SLC6A4: variants seen among roughly 807,000 people sequenced by gnomAD.
SLC6A4 encodes solute carrier family 6 member 4.
Under a neutral mutation model 73.4 loss-of-function variants are expected in SLC6A4, and 22 were observed. The observed-to-expected ratio is 0.30, with a 90% CI of 0.21 to 0.43. The LOEUF (loss-of-function observed/expected upper bound fraction) is 0.43, where lower values mean the gene tolerates loss of function less well. Among genes scored for constraint, SLC6A4 ranks in the 20% least tolerant of loss-of-function variants. SLC6A4 has a pLI of 1.00. For missense variants in SLC6A4, 593 were observed against 808.5 expected (o/e 0.73, Z 3.23); for synonymous variants, 270 against 315.5 (o/e 0.86, Z 1.53).
chr17:30,218,741 T>C (rs1906658496), intron 4 of SLC6A4, 56 bp downstream of exon 4: 20 of 1,598,052 alleles, frequency 1.3e-5, no homozygotes, highest in South Asian at 4.4e-5. Flanking sequence ...CACCCACTGA[T>C]GGAAATCCCT....
chr17:30,202,427 A>G (rs1344278028), intron 14 of SLC6A4, among the ~76,000 whole-genome samples: 5 of 152,156 alleles, frequency 3.3e-5, no homozygotes, highest in Non-Finnish European at 7.4e-5. Flanking sequence ...GCCCAGCCGG[A>G]AATAAGGAAA....
intron 8 of SLC6A4, among the ~76,000 whole-genome samples, chr17:30,214,781 C>T (rs566756896): frequency 6.6e-6 from 1 of 151,642 alleles, no homozygotes; most frequent in African/African-American, 2.4e-5. Flanking sequence ...TACAGGCGCC[C>T]GCCACCACGC....
intron 6 of SLC6A4, 41 bp from the exon 7 acceptor site, chr17:30,216,257 G>C: frequency 3.4e-6 from 3 of 885,356 alleles, no homozygotes; most frequent in South Asian, 2.1e-5. Flanking sequence ...TTCCAGGGAG[G>C]GGAGGGGAGG....
chr17:30,232,755 C>T (rs925477524), intron 1 of SLC6A4, among the ~76,000 whole-genome samples: 3 of 152,218 alleles, frequency 2.0e-5, no homozygotes, highest in African/African-American at 7.2e-5. Flanking sequence ...TTTAAAAGCG[C>T]GTTGTTGACA....
intron 14 of SLC6A4, among the ~76,000 whole-genome samples, chr17:30,201,252 G>A (rs892012426): frequency 6.6e-5 from 10 of 152,210 alleles, no homozygotes; most frequent in African/African-American, 2.4e-4. Context: ...GCCCAGATAA[G>A]ATGAGTACCT....
chr17:30,206,611 T>C (rs1906206312), intron 13 of SLC6A4: 1 of 152,102 alleles, frequency 6.6e-6, no homozygotes, highest in South Asian at 2.1e-4. Context: ...ATGAAGAGCA[T>C]AGCAGATCCT....
chr17:30,206,241 C>CAAAAAAA (rs5819882), intron 13 of SLC6A4: 41 of 106,498 alleles, frequency 3.8e-4, no homozygotes, highest in East Asian at 9.9e-4. Context: ...CTCTAAAAGA[C>CAAAAAAA]AAAAAAAAAA....
chr17:30,234,921 T>C (rs1290227950), intron 1 of SLC6A4, among the ~76,000 whole-genome samples: 1 of 152,216 alleles, frequency 6.6e-6, no homozygotes, highest in Non-Finnish European at 1.5e-5. Context: ...AAATCCACTC[T>C]TGAGCTCCAG....
intron 1 of SLC6A4, among the ~76,000 whole-genome samples, chr17:30,230,026 G>C (rs890166213): frequency 7.2e-6 from 1 of 138,552 alleles, no homozygotes; most frequent in Non-Finnish European, 1.6e-5. Flanking sequence ...TCTCAAAAAA[G>C]AAGAAGAAGA....
At chr17:30,228,344 G>T (rs531275939) in intron 1 of SLC6A4, among the ~76,000 whole-genome samples, 1 of 152,298 alleles carries the variant, frequency 6.6e-6, no homozygotes, top group African/African-American at 2.4e-5. Context: ...TCTAGCACAG[G>T]GAAGCATCAA....
In SLC6A4 at chr17:30,235,383, C is replaced by T. The variant is rs1398558988; in HGVS notation, c.-221+230G>A. ...AGGAGCCCCCTACGCCCGCCCACTT[C>T]GAGCACTCCACGTTCCTCGTCTCCC... On this transcript the variant is annotated intron_variant, in intron 1 of 14. Transcript: ENST00000650711. This position sits in a 1 kb window ranked among gnomAD's most constrained non-coding sequence, Gnocchi z 4.5. 1.3e-5 allele frequency among the ~76,000 whole-genome samples: 2 copies of T among 152,204 alleles called. No individual in the cohort carries two copies. The highest frequency in any genetic ancestry group is 4.8e-5 in the African/African-American group (2 of 41,454).
rs1421487957 is a variant in SLC6A4, at chr17:30,203,346, C to T, written c.1651-7G>A. 1 of 1,610,830 alleles carries T rather than the reference C, an allele frequency of 6.2e-7. No homozygotes were observed. Among genetic ancestry groups the T allele is most frequent in the African/African-American group, 1.3e-5 (1 of 74,606 alleles). Reference sequence around the variant, plus strand: ...GAAAACTGCAAATGATGAACTAAAACAGAAATTCCAAGAAACATTAAAAAC... The same window carrying T: ...GAAAACTGCAAATGATGAACTAAAATAGAAATTCCAAGAAACATTAAAAAC... On this transcript the variant is annotated splice_region_variant and splice_polypyrimidine_tract_variant and intron_variant, in intron 13 of 14. Coordinates refer to ENST00000650711, the MANE Select transcript of SLC6A4 (RefSeq NM_001045.6).
Position 30,211,180 on chromosome 17 carries a change from G to T in SLC6A4, c.1317+132C>A. The stretch of plus-strand genomic sequence containing the variant: ...GTAAATGCCGAGGAGTCAGCCGGGG[G>T]TCTGGAGCACCAGAAGGGAGTAGCC... On this transcript the variant is annotated intron_variant, in intron 10 of 14. Coordinates refer to ENST00000650711, the MANE Select transcript of SLC6A4 (RefSeq NM_001045.6). This position sits in a 1 kb window ranked among gnomAD's most constrained non-coding sequence, Gnocchi z 4.0. The T allele has an allele frequency of 1.6e-6, 1 of 632,768 alleles. No homozygotes were observed. Among genetic ancestry groups the T allele is most frequent in the Non-Finnish European group, 2.8e-6 (1 of 352,364 alleles). 39.2% of individuals were successfully genotyped at this position (632,768 alleles called of 1,614,324 possible).
At chr17:30,204,947 C>T (rs1489851567) in intron 13 of SLC6A4, among the ~76,000 whole-genome samples, 8 of 152,110 alleles carry the variant, frequency 5.3e-5, no homozygotes, top group Admixed American at 6.5e-5. Context: ...TTGACAGAAA[C>T]GAACAGCCCC....
rs112526311 is a variant in SLC6A4 at position 30,229,889 on chromosome 17, G to A, written c.-221+5724C>T. Among the ~76,000 whole-genome samples the A allele has an allele frequency of 8.7e-3, 1,316 of 152,058 alleles. 17 individuals carry two copies. The highest frequency in any genetic ancestry group is 0.025 in the African/African-American group (1,038 of 41,498). ...ACAAAAATTAGCCAGGCATGGTGGC[G>A]CATGCCTGTAATACCAGCCTTTTAG... On this transcript the variant is annotated intron_variant, in intron 1 of 14. Transcript: ENST00000650711.
intron 11 of SLC6A4, 104 bp from the exon 12 acceptor site, chr17:30,209,346 T>G: frequency 1.4e-6 from 1 of 737,384 alleles, no homozygotes; most frequent in Middle Eastern, 3.9e-4. Flanking sequence ...TCTGGAAAAA[T>G]CCCACCTGGG....
chr17:30,229,278 G>A (rs750183538), intron 1 of SLC6A4, among the ~76,000 whole-genome samples: 4 of 152,212 alleles, frequency 2.6e-5, no homozygotes, highest in Non-Finnish European at 5.9e-5. Flanking sequence ...TCATCTGTGA[G>A]CTGGTGGTTT....
intron 1 of SLC6A4, among the ~76,000 whole-genome samples, chr17:30,230,086 AGAAGAAGAAGAGGAGGAAGAG>A (rs1350578504): frequency 3.1e-5 from 4 of 130,202 alleles, no homozygotes; most frequent in African/African-American, 1.1e-4. Context: ...AAGAAGAAGA[AGAAGAAGAAGAGGAGGAAGAG>A]GAAGAGGAAG....
chr17:30,220,971 C>CTTTTTTT (rs776589435), intron 3 of SLC6A4, among the ~76,000 whole-genome samples: 3 of 113,634 alleles, frequency 2.6e-5, no homozygotes, highest in Non-Finnish European at 5.2e-5. Context: ...GGAGATTTGA[C>CTTTTTTT]TTTTTTTTTT....
Sources: gnomAD v4.1 joint callset for allele counts (sites outside exome capture counted in the v4.1 genomes callset) on GRCh38, gnomAD v4.1.1 for gene constraint, Gnocchi (gnomAD v3.1) non-coding constraint, MANE v1.5 for transcripts, NCBI Gene and HGNC (gene_info 2026-07-23, HGNC 2026-07-21) for gene names.